The following RPL24 variants were observed in gnomAD, a reference collection of about 807,000 sequenced individuals.
RPL24 encodes ribosomal protein L24.
Under a neutral mutation model 26.4 loss-of-function variants are expected in RPL24, and 7 were observed. The observed-to-expected ratio is 0.27, with a 90% confidence interval of 0.15 to 0.50. The LOEUF is 0.50. Ranked by LOEUF, RPL24 falls within the 20% of genes least tolerant of loss-of-function variation. The pLI is 0.98. For synonymous variants in RPL24, 67 were observed against 65.2 expected, an observed-to-expected ratio of 1.03 and a Z score of -0.13; for missense variants, 109 against 194.9, an observed-to-expected ratio of 0.56 and a Z score of 2.62.
chr3:101,683,535 A>C (rs1937288398), intron 3 of RPL24, among the ~76,000 whole-genome samples: 1 of 152,192 alleles, frequency 6.6e-6, no homozygotes, highest in African/African-American at 2.4e-5. Context: ...GCTAATTTTA[A>C]ACTTTTTAGA....
intron 3 of RPL24, among the ~76,000 whole-genome samples, chr3:101,685,002 T>C (rs1460980642): frequency 6.6e-6 from 1 of 151,938 alleles, no homozygotes; most frequent in Non-Finnish European, 1.5e-5. Flanking sequence ...ATACAAGTTA[T>C]AGAGTCCCTG....
At position 101,682,282 on chromosome 3, in the gene RPL24, C is replaced by T; in HGVS notation, c.393+147G>A. 4.4e-6 allele frequency: 3 copies of T among 686,840 alleles called. No individual in the cohort carries two copies. The South Asian group carries it at 5.0e-5, about 11-fold the overall frequency. 42.5% of individuals were successfully genotyped at this position (686,840 alleles called of 1,614,324 possible). On this transcript the variant is annotated intron_variant, in intron 5 of 5. Coordinates refer to ENST00000394077, the MANE Select transcript of RPL24 (RefSeq NM_000986.4). ...TCGGGAGGCTGAGGCAGGAGTATCACTTGAACCCGGGAGGCAGAGGTTGCA... is the reference window on the plus strand; with the variant it reads ...TCGGGAGGCTGAGGCAGGAGTATCATTTGAACCCGGGAGGCAGAGGTTGCA...
Position 101,685,920 on chromosome 3 carries a change from C to T in RPL24, c.90G>A (p.Gln30=), listed in dbSNP as rs377256144. 1 of 1,608,888 alleles carries T rather than the reference C, an allele frequency of 6.2e-7. No individual in the cohort carries two copies. The highest frequency in any genetic ancestry group is 8.5e-7 in the Non-Finnish European group (1 of 1,175,384). Residue 30 remains glutamine, a synonymous_variant, in exon 3 of 6, where the codon CAG becomes CAA. Coordinates refer to ENST00000394077, the MANE Select transcript of RPL24 (RefSeq NM_000986.4). ...RYARTDGKVF[Q]FLNAKCESAF... ...CCGACTCGCATTTCGCATTAAGAAA[C>T]TGGAAAACCTAGAGTGACAAATGCA... is the stretch of plus-strand genomic sequence containing the variant.
At chr3:101,684,758 AC>A in intron 3 of RPL24, among the ~76,000 whole-genome samples, 4 of 118,590 alleles carry the variant, frequency 3.4e-5, no homozygotes, top group South Asian at 3.0e-4. Flanking sequence ...AGCCTGAGCA[AC>A]AGAGGACCTG....
Position 101,685,934 on chromosome 3 carries a change from G to A in RPL24, c.82-6C>T. The A allele has an allele frequency of 6.4e-7, 1 of 1,571,120 alleles. No homozygotes were observed. Among genetic ancestry groups the A allele is most frequent in the Non-Finnish European group, 8.8e-7 (1 of 1,140,728 alleles). ...GCATTAAGAAACTGGAAAACCTAGAGTGACAAATGCAAAGGAATTACTATT... is the reference window on the plus strand; with the variant it reads ...GCATTAAGAAACTGGAAAACCTAGAATGACAAATGCAAAGGAATTACTATT... On this transcript the variant is annotated splice_polypyrimidine_tract_variant and splice_region_variant and intron_variant, in intron 2 of 5. Transcript: ENST00000394077.
At chr3:101,682,942 C>G (rs778321842) in intron 3 of RPL24, 35 bp from the exon 4 acceptor site, 1 of 1,586,080 alleles carries the variant, frequency 6.3e-7, no homozygotes, top group African/African-American at 1.4e-5. Flanking sequence ...ACTTAGGAAC[C>G]TTCCTTCAAG....
intron 3 of RPL24, among the ~76,000 whole-genome samples, chr3:101,684,390 G>C (rs1273743485): frequency 1.3e-5 from 2 of 151,728 alleles, no homozygotes; most frequent in South Asian, 4.2e-4. Context: ...GGCTGTTCTT[G>C]AACTCCTGAC....
At chr3:101,683,872 C>T (rs974926724) in intron 3 of RPL24, among the ~76,000 whole-genome samples, 7 of 151,770 alleles carry the variant, frequency 4.6e-5, no homozygotes, top group South Asian at 4.2e-4. Flanking sequence ...CCACCACGCC[C>T]GGCTAATTTT....
rs1412560283 is a variant in RPL24, at chr3:101,686,571, T to C, written c.6-14A>G. The C allele has an allele frequency of 2.5e-6, 4 of 1,613,966 alleles. No homozygotes were observed. The highest frequency in any genetic ancestry group is 1.3e-5 in the African/African-American group (1 of 74,886). Reference sequence around the variant, plus strand: ...CACAGCTCGACCCTGCAACAAAAAGTGAAAGTCCATCAGGGAGGGTGTCTA... The same window carrying C: ...CACAGCTCGACCCTGCAACAAAAAGCGAAAGTCCATCAGGGAGGGTGTCTA... On this transcript the variant is annotated splice_polypyrimidine_tract_variant and intron_variant, in intron 1 of 5. Coordinates refer to ENST00000394077, the MANE Select transcript of RPL24 (RefSeq NM_000986.4).
intron 3 of RPL24, among the ~76,000 whole-genome samples, chr3:101,683,711 T>C (rs921974221): frequency 7.3e-4 from 109 of 149,596 alleles, no homozygotes; most frequent in African/African-American, 2.5e-3. Context: ...TCTTTTCTTT[T>C]TTTTTTTTTT....
At position 101,684,792 on chromosome 3, in the gene RPL24, A is replaced by ACC. The variant is rs1358355618; in HGVS notation, c.192+1025_192+1026insGG. On this transcript the variant is annotated intron_variant, in intron 3 of 5. Transcript: ENST00000394077. The stretch of plus-strand genomic sequence containing the variant: ...CTGTCTCCCCAAAAAAAAAAAAAAA[A>ACC]AAAAAAAAAAAAAAAAAAAAAGGTA... Among the ~76,000 whole-genome samples, 3 of 146,014 alleles carry ACC rather than the reference A, an allele frequency of 2.1e-5. No individual in the cohort carries two copies. In the East Asian group the frequency reaches 6.0e-4, roughly 29 times the overall value.
At chr3:101,682,163 C>T in intron 5 of RPL24, 1 of 381,988 alleles carries the variant, frequency 2.6e-6, no homozygotes, top group Admixed American at 4.0e-5. Context: ...ACCAGCCTGT[C>T]CGACATGGTG....
intron 2 of RPL24, 31 bp downstream of exon 2, chr3:101,686,448 CAAG>C (rs772552044): frequency 1.3e-6 from 2 of 1,597,516 alleles, no homozygotes; most frequent in East Asian, 2.2e-5. Flanking sequence ...CCTCGGAGTA[CAAG>C]AAGGTAGGTG....
intron 3 of RPL24, among the ~76,000 whole-genome samples, chr3:101,684,165 A>G (rs1937299366): frequency 6.9e-6 from 1 of 144,208 alleles, no homozygotes; most frequent in Admixed American, 6.9e-5. Context: ...GGCCCATTTT[A>G]ACTTTTTTTT....
At chr3:101,682,389 T>G (rs758453846) in intron 5 of RPL24, 40 bp downstream of exon 5, 4 of 1,534,766 alleles carry the variant, frequency 2.6e-6, no homozygotes, top group South Asian at 1.1e-5. Context: ...AAAATTTTCC[T>G]GTTGTATTGT....
In RPL24 at chr3:101,681,218, G is replaced by A. The variant is rs1937258434; in HGVS notation, c.394-3C>T. ...TTAGGTGCTGCCTTTGTAGGTGCCT[G>A]TAAAAAGATAACACAATATTACTCC... On this transcript the variant is annotated splice_polypyrimidine_tract_variant and splice_region_variant and intron_variant, in intron 5 of 5. Coordinates refer to ENST00000394077, the MANE Select transcript of RPL24 (RefSeq NM_000986.4). The A allele has an allele frequency of 1.2e-6, 2 of 1,608,858 alleles. No homozygotes were observed. Among genetic ancestry groups the A allele is most frequent in the South Asian group, 1.1e-5 (1 of 90,882 alleles).
intron 4 of RPL24, 47 bp from the exon 5 acceptor site, chr3:101,682,539 G>A: frequency 6.9e-7 from 1 of 1,458,832 alleles, no homozygotes; most frequent in Non-Finnish European, 9.6e-7. Context: ...ACTCCTTAGT[G>A]GTACAACTTA....
intron 1 of RPL24, 54 bp downstream of exon 1, chr3:101,686,618 A>G: frequency 6.2e-7 from 1 of 1,614,156 alleles, no homozygotes; most frequent in African/African-American, 1.3e-5. Flanking sequence ...GGGACGACAG[A>G]GAGGAGTTCT....
chr3:101,686,457 A>G (rs762379984), intron 2 of RPL24, 25 bp downstream of exon 2: 6 of 1,605,892 alleles, frequency 3.7e-6, no homozygotes, highest in Non-Finnish European at 5.1e-6. Flanking sequence ...ACAAGAAGGT[A>G]GGTGAAGCCG....
Sources: gnomAD v4.1 joint callset for allele counts (sites outside exome capture counted in the v4.1 genomes callset) on GRCh38, gnomAD v4.1.1 for gene constraint, MANE v1.5 for transcripts, NCBI Gene and HGNC (gene_info 2026-07-23, HGNC 2026-07-21) for gene names.